Variants in LRRC4C observed in about 807,000 individuals in gnomAD.
LRRC4C encodes the protein leucine rich repeat containing 4C, also known as leucine-rich repeat-containing protein 4C.
A neutral mutation model predicts 33.6 loss-of-function variants in LRRC4C; 5 were observed. The ratio of observed to expected loss-of-function variants is 0.15; its 90% CI spans 0.08 to 0.31. The LOEUF (loss-of-function observed/expected upper bound fraction) is 0.31. Among genes scored for constraint, LRRC4C ranks in the 10% least tolerant of loss-of-function variants. The pLI, the probability that LRRC4C is intolerant of heterozygous loss-of-function variation, is 1.00. For missense variants in LRRC4C, 560 were observed against 796.7 expected (o/e 0.70, Z 3.58); for synonymous variants, 329 against 302.0 (o/e 1.09, Z -0.93).
chr11:40,155,067 G>T (rs1264786751), intron 5 of LRRC4C, among the ~76,000 whole-genome samples: 2 of 151,828 alleles, frequency 1.3e-5, no homozygotes, highest in Non-Finnish European at 2.9e-5. Context: ...AAAATAGGTG[G>T]AAATAAATAC....
At chr11:40,865,531 A>G (rs1477797251) in intron 2 of LRRC4C, among the ~76,000 whole-genome samples, 4 of 151,188 alleles carry the variant, frequency 2.6e-5, no homozygotes, top group South Asian at 4.2e-4. Flanking sequence ...ATATATATAT[A>G]TAATTTCAAA....
chr11:41,126,673 G>A (rs1027930414), intron 1 of LRRC4C, among the ~76,000 whole-genome samples: 3 of 151,756 alleles, frequency 2.0e-5, no homozygotes, highest in Non-Finnish European at 2.9e-5. Flanking sequence ...CAACAAACAC[G>A]AAACAAGCAG....
At chr11:40,596,303 T>C (rs1959289016) in intron 3 of LRRC4C, among the ~76,000 whole-genome samples, 1 of 152,168 alleles carries the variant, frequency 6.6e-6, no homozygotes, top group African/African-American at 2.4e-5. Flanking sequence ...TAGTCTTTTT[T>C]CTCTTTTATA....
chr11:40,362,434 T>A (rs1947998687), intron 3 of LRRC4C, among the ~76,000 whole-genome samples: 1 of 151,868 alleles, frequency 6.6e-6, no homozygotes, highest in Admixed American at 6.6e-5. Context: ...AAACATTAAA[T>A]AATATTCTGG....
chr11:41,390,363 C>T (rs1953542330), intron 1 of LRRC4C, among the ~76,000 whole-genome samples: 1 of 151,758 alleles, frequency 6.6e-6, no homozygotes, highest in Non-Finnish European at 1.5e-5. Flanking sequence ...TGCCAGTGTG[C>T]CAATGTGAGA....
intron 1 of LRRC4C, among the ~76,000 whole-genome samples, chr11:41,311,014 G>T (rs900150789): frequency 6.6e-6 from 1 of 152,054 alleles, no homozygotes; most frequent in Non-Finnish European, 1.5e-5. Context: ...TCCAACCTTC[G>T]CTTAGTGCCT....
rs142444410 is a variant in LRRC4C at position 40,452,731 on chromosome 11, T to C, written c.-269-133010A>G. Among the ~76,000 whole-genome samples, 817 of 152,250 alleles carry C rather than the reference T, an allele frequency of 5.4e-3. 13 individuals are homozygous for C. Among genetic ancestry groups the C allele is most frequent in the African/African-American group, 0.019 (776 of 41,542 alleles). Reference sequence around the variant, plus strand: ...ATGCTGCTATAAAGACATATGCACATGTATGTTTACTGCAGCACTATTCAC... The same window carrying C: ...ATGCTGCTATAAAGACATATGCACACGTATGTTTACTGCAGCACTATTCAC... On this transcript the variant is annotated intron_variant, in intron 3 of 6. Coordinates refer to ENST00000528697, the MANE Select transcript of LRRC4C (RefSeq NM_001258419.2).
At chr11:41,015,199 A>T (rs1855492408) in intron 1 of LRRC4C, among the ~76,000 whole-genome samples, 1 of 152,208 alleles carries the variant, frequency 6.6e-6, no homozygotes, top group Non-Finnish European at 1.5e-5. Flanking sequence ...TCTTAGATTT[A>T]AAATATTATA....
rs7104219 is a variant in LRRC4C at position 41,077,673 on chromosome 11, C to G, written c.-495-143950G>C. ...AAGGGAGGGGCTGCTGTGAAGAACT[C>G]TAACATTTCCTGGAGACATTTTCCC... On this transcript the variant is annotated intron_variant, in intron 1 of 6. Coordinates refer to ENST00000528697, the MANE Select transcript of LRRC4C (RefSeq NM_001258419.2). 2.3e-3 allele frequency among the ~76,000 whole-genome samples: 349 copies of G among 152,306 alleles called. 3 individuals carry two copies. The highest frequency in any genetic ancestry group is 8.1e-3 in the African/African-American group (336 of 41,578).
At chr11:41,335,430 T>C (rs187286867) in intron 1 of LRRC4C, among the ~76,000 whole-genome samples, 19 of 152,300 alleles carry the variant, frequency 1.2e-4, no homozygotes, top group Admixed American at 7.8e-4. Flanking sequence ...AACTGTAAGA[T>C]GTCAAAAATA....
At chr11:41,121,410 A>C (rs1329733455) in intron 1 of LRRC4C, among the ~76,000 whole-genome samples, 1 of 152,024 alleles carries the variant, frequency 6.6e-6, no homozygotes, top group African/African-American at 2.4e-5. Context: ...TAGCTACTTT[A>C]CTCAGGCATT....
At chr11:40,282,203 G>A (rs1943523785) in intron 4 of LRRC4C, among the ~76,000 whole-genome samples, 2 of 152,114 alleles carry the variant, frequency 1.3e-5, no homozygotes, top group Non-Finnish European at 2.9e-5. Flanking sequence ...AAATTAGCTG[G>A]ACATGGTGGC....
rs1175829703 is a variant in LRRC4C at position 40,858,009 on chromosome 11, CAAGGAAAGGA to C, written c.-407+75616_-407+75625del. Among the ~76,000 whole-genome samples the C allele has an allele frequency of 7.4e-5, 5 of 67,590 alleles. No homozygotes were observed. The East Asian group carries it at 1.7e-3, about 23-fold the overall frequency. The allele number at this position is 67,590 out of a possible 152,430, so 44.3% of individuals were successfully genotyped here. A position where few individuals can be genotyped will look rare whatever the true frequency, so the allele number is the denominator to read the frequency against. On this transcript the variant is annotated intron_variant, in intron 2 of 6. Coordinates refer to ENST00000528697, the MANE Select transcript of LRRC4C (RefSeq NM_001258419.2). Reference sequence around the variant, plus strand: ...AAAGGGACAGGGACAGGGACAGGGACAAGGAAAGGAAGGGAAGGGAAGGGAAGGGAAGGGA... The same window carrying C: ...AAAGGGACAGGGACAGGGACAGGGACAGGGAAGGGAAGGGAAGGGAAGGGA...
intron 2 of LRRC4C, among the ~76,000 whole-genome samples, chr11:40,718,831 C>A (rs1361455616): frequency 6.6e-6 from 1 of 152,098 alleles, no homozygotes; most frequent in African/African-American, 2.4e-5. Flanking sequence ...GGAAACTGGG[C>A]ACTGAGCAGT....
intron 1 of LRRC4C, among the ~76,000 whole-genome samples, chr11:41,349,353 G>A (rs1486326852): frequency 5.9e-5 from 9 of 152,080 alleles, no homozygotes; most frequent in Non-Finnish European, 8.8e-5. Flanking sequence ...ACCACACTGA[G>A]GCACTTTTGC....
chr11:40,448,464 T>C (rs930697598), intron 3 of LRRC4C, among the ~76,000 whole-genome samples: 1 of 152,024 alleles, frequency 6.6e-6, no homozygotes, highest in Non-Finnish European at 1.5e-5. Context: ...TGTGTTCTCA[T>C]TGTTCAACTC....
chr11:40,198,530 ATATT>A (rs1032143789), intron 5 of LRRC4C, among the ~76,000 whole-genome samples: 3 of 152,278 alleles, frequency 2.0e-5, no homozygotes, highest in South Asian at 4.1e-4. Context: ...ATCCGTTTCT[ATATT>A]TATTTATTTA....
intron 1 of LRRC4C, among the ~76,000 whole-genome samples, chr11:41,338,480 G>A (rs1235733165): frequency 6.6e-6 from 1 of 152,072 alleles, no homozygotes; most frequent in African/African-American, 2.4e-5. Flanking sequence ...CCTCAGATGT[G>A]GGAGCTGAAC....
intron 1 of LRRC4C, among the ~76,000 whole-genome samples, chr11:41,302,796 C>T (rs554124550): frequency 2.0e-5 from 3 of 152,268 alleles, no homozygotes; most frequent in Non-Finnish European, 2.9e-5. Flanking sequence ...ACCCTAAATT[C>T]GTGATCTAAG....
Sources: allele counts gnomAD v4.1 joint callset (sites outside exome capture counted in the v4.1 genomes callset), GRCh38; gene constraint gnomAD v4.1.1; transcripts MANE v1.5; gene names NCBI Gene and HGNC (gene_info 2026-07-23, HGNC 2026-07-21).